The following GABRB3 variants were observed in gnomAD, a reference collection of about 807,000 sequenced individuals.
GABRB3 encodes gamma-aminobutyric acid type A receptor subunit beta3.
Under a neutral mutation model 52.1 loss-of-function variants are expected in GABRB3, and 14 were observed. The observed-to-expected ratio is 0.27, with a 90% CI of 0.18 to 0.42. GABRB3 has a LOEUF of 0.42. Among genes scored for constraint, GABRB3 ranks in the 10% least tolerant of loss-of-function variants. The pLI is 1.00. For synonymous variants in GABRB3, 260 were observed against 232.3 expected, an observed-to-expected ratio of 1.12 and a Z score of -1.08; for missense variants, 307 against 609.1, an observed-to-expected ratio of 0.50 and a Z score of 5.22.
chr15:26,551,925 A>AT (rs1464714054), intron 8 of GABRB3, among the ~76,000 whole-genome samples: 1 of 151,736 alleles, frequency 6.6e-6, no homozygotes, highest in African/African-American at 2.4e-5. Flanking sequence ...ATTTTCTTAT[A>AT]TTTTTTATCC....
At chr15:26,608,870 A>G (rs1595479107) in intron 4 of GABRB3, among the ~76,000 whole-genome samples, 2 of 152,198 alleles carry the variant, frequency 1.3e-5, no homozygotes, top group East Asian at 3.9e-4. Context: ...TAGTGCAGTC[A>G]TTATGGAAAA....
At chr15:26,604,687 T>C (rs900457889) in intron 4 of GABRB3, among the ~76,000 whole-genome samples, 104 of 152,220 alleles carry the variant, frequency 6.8e-4, no homozygotes, top group African/African-American at 2.4e-3. Context: ...CTTCAATGTA[T>C]GGTCCTGGGA....
intron 4 of GABRB3, among the ~76,000 whole-genome samples, chr15:26,599,390 C>A (rs866077754): frequency 6.6e-6 from 1 of 152,166 alleles, no homozygotes; most frequent in African/African-American, 2.4e-5. Flanking sequence ...TAAACAGTGA[C>A]CCCACCTAAA....
At chr15:26,616,765 T>C (rs1288925047) in intron 4 of GABRB3, among the ~76,000 whole-genome samples, 3 of 152,190 alleles carry the variant, frequency 2.0e-5, no homozygotes, top group Non-Finnish European at 2.9e-5. Context: ...CATTTACATA[T>C]GAAGTTACAG....
intron 3 of GABRB3, among the ~76,000 whole-genome samples, chr15:26,711,435 T>C (rs1332173082): frequency 6.7e-6 from 1 of 148,304 alleles, no homozygotes; most frequent in Non-Finnish European, 1.5e-5. Context: ...TCGTGACGGA[T>C]GTGGCATATT....
chr15:26,671,406 A>G (rs1887893290), intron 3 of GABRB3, among the ~76,000 whole-genome samples: 1 of 152,226 alleles, frequency 6.6e-6, no homozygotes, highest in Admixed American at 6.5e-5. Context: ...GTTGTACCAC[A>G]GTTGTGCCGG....
At chr15:26,722,951 C>T (rs1225821899) in intron 3 of GABRB3, among the ~76,000 whole-genome samples, 1 of 152,196 alleles carries the variant, frequency 6.6e-6, no homozygotes, top group Admixed American at 6.5e-5. Context: ...TAGATTGTAT[C>T]ATTCATTTCC....
At chr15:26,580,195 G>C (rs891974311) in intron 6 of GABRB3, 124 bp downstream of exon 6, 2 of 1,164,024 alleles carry the variant, frequency 1.7e-6, no homozygotes, top group Non-Finnish European at 2.6e-6. Flanking sequence ...TGTGATGTGT[G>C]AATGATAACA....
In GABRB3 at chr15:26,583,778, A is replaced by ATTT. The variant is rs572548858; in HGVS notation, c.462-367_462-365dup. ...AATTAACAAATGTATTGTATCACCT[A>ATTT]TTTTTTTTTTTTTTTGATCAGAGTC... On this transcript the variant is annotated intron_variant, in intron 4 of 8. Coordinates refer to ENST00000311550, the MANE Select transcript of GABRB3 (RefSeq NM_000814.6). 4.3e-4 allele frequency among the ~76,000 whole-genome samples: 61 copies of ATTT among 140,946 alleles called. 2 individuals are homozygous for ATTT. Among genetic ancestry groups the ATTT allele is most frequent in the Middle Eastern group, 3.7e-3 (1 of 272 alleles). The allele number at this position is 140,946 out of a possible 152,430, so 92.5% of individuals were successfully genotyped here.
intron 3 of GABRB3, among the ~76,000 whole-genome samples, chr15:26,659,613 A>G (rs1222954378): frequency 6.6e-6 from 1 of 152,248 alleles, no homozygotes; most frequent in Non-Finnish European, 1.5e-5. Flanking sequence ...GACTATTTTC[A>G]ACAAACTTGA....
chr15:26,746,632 C>G (rs2140166588), intron 3 of GABRB3, among the ~76,000 whole-genome samples: 2 of 144,694 alleles, frequency 1.4e-5, no homozygotes, highest in South Asian at 4.3e-4. Flanking sequence ...AGGTCAAAGT[C>G]ATTTGCCCAT....
chr15:26,620,094 T>C (rs139662467), intron 4 of GABRB3, among the ~76,000 whole-genome samples: 6 of 152,288 alleles, frequency 3.9e-5, no homozygotes, highest in African/African-American at 1.2e-4. Context: ...GATGCACTTA[T>C]CAGAACCTGA....
At chr15:26,695,956 T>C (rs1888725193) in intron 3 of GABRB3, among the ~76,000 whole-genome samples, 1 of 152,238 alleles carries the variant, frequency 6.6e-6, no homozygotes, top group Non-Finnish European at 1.5e-5. Flanking sequence ...CCAAAAGTCT[T>C]TTCTTCCACG....
At chr15:26,712,234 G>A (rs1889322747) in intron 3 of GABRB3, among the ~76,000 whole-genome samples, 1 of 150,826 alleles carries the variant, frequency 6.6e-6, no homozygotes, top group Non-Finnish European at 1.5e-5. Context: ...GGCTGGTCTT[G>A]AACTCCTGGC....
intron 3 of GABRB3, chr15:26,628,942 T>A: frequency 6.5e-7 from 1 of 1,533,790 alleles, no homozygotes; most frequent in East Asian, 2.4e-5. Context: ...CTCCACTCCT[T>A]GTGACTGCCG....
chr15:26,599,911 A>G (rs1275912549), intron 4 of GABRB3, among the ~76,000 whole-genome samples: 1 of 152,194 alleles, frequency 6.6e-6, no homozygotes, highest in Non-Finnish European at 1.5e-5. Context: ...GAGATTATAA[A>G]ATGACTAGTA....
chr15:26,587,161 C>T (rs372000751), intron 4 of GABRB3, among the ~76,000 whole-genome samples: 34 of 152,176 alleles, frequency 2.2e-4, no homozygotes, highest in East Asian at 2.1e-3. Context: ...TACATTGTTC[C>T]GCCACGCAAC....
At chr15:26,741,045 A>AGTGTGTGTGTGTGTGTGTGT (rs55860555) in intron 3 of GABRB3, among the ~76,000 whole-genome samples, 10 of 55,220 alleles carry the variant, frequency 1.8e-4, no homozygotes, top group South Asian at 1.3e-3. Context: ...GGGAGGAATA[A>AGTGTGTGTGTGTGTGTGTGT]GTGTGTGTGT....
chr15:26,696,846 T>C (rs1178274327), intron 3 of GABRB3, among the ~76,000 whole-genome samples: 1 of 152,288 alleles, frequency 6.6e-6, no homozygotes. Flanking sequence ...AAAACTCGCA[T>C]ATGAAGCATG....
Sources: allele counts gnomAD v4.1 joint callset (sites outside exome capture counted in the v4.1 genomes callset), GRCh38; gene constraint gnomAD v4.1.1; transcripts MANE v1.5; gene names NCBI Gene and HGNC (gene_info 2026-07-23, HGNC 2026-07-21).